Variants in ZNF385D observed in about 807,000 individuals in gnomAD.
ZNF385D encodes the protein zinc finger protein 385D.
In ZNF385D, 15 loss-of-function variants were observed where a neutral mutation model predicts 35.8. That is an observed-to-expected ratio of 0.42 (90% CI 0.28 to 0.64). The LOEUF is 0.64. Ranked by LOEUF, ZNF385D falls within the 30% of genes least tolerant of loss-of-function variation. The pLI is 0.23. For synonymous variants in ZNF385D, 212 were observed against 186.8 expected (o/e 1.13, Z -1.10); for missense variants, 474 against 494.6 (o/e 0.96, Z 0.39).
At chr3:21,854,388 C>T (rs1696590679) in intron 3 of ZNF385D, among the ~76,000 whole-genome samples, 1 of 151,870 alleles carries the variant, frequency 6.6e-6, no homozygotes, top group Non-Finnish European at 1.5e-5. Context: ...TTCAAAAAGC[C>T]CTTCCAAAAA....
chr3:22,063,345 G>C (rs1234046632), intron 3 of ZNF385D, among the ~76,000 whole-genome samples: 1 of 151,986 alleles, frequency 6.6e-6, no homozygotes, highest in Non-Finnish European at 1.5e-5. Context: ...ACATCATTTT[G>C]ATTAATCTTC....
intron 3 of ZNF385D, among the ~76,000 whole-genome samples, chr3:21,521,953 A>C (rs1707934883): frequency 6.6e-6 from 1 of 152,130 alleles, no homozygotes; most frequent in African/African-American, 2.4e-5. Context: ...CAGTAAGATA[A>C]ATTATGTCGA....
intron 2 of ZNF385D, among the ~76,000 whole-genome samples, chr3:22,289,655 C>A (rs1702197722): frequency 6.6e-6 from 1 of 152,112 alleles, no homozygotes; most frequent in Non-Finnish European, 1.5e-5. Flanking sequence ...TTATTTAAAA[C>A]CATCTCTTTA....
intron 3 of ZNF385D, among the ~76,000 whole-genome samples, chr3:21,552,324 A>G (rs9833976): frequency 0.18 from 27,036 of 152,116 alleles, 2,414 homozygotes; most frequent in African/African-American, 0.21. Flanking sequence ...TTTGGTGTCT[A>G]AATATTTTGT....
chr3:21,998,889 T>C lies in ZNF385D; in HGVS notation c.325+169928A>G, dbSNP rs947609568. Among the ~76,000 whole-genome samples, 18 of 151,882 alleles carry C rather than the reference T, an allele frequency of 1.2e-4. 1 individual carries two copies. Among genetic ancestry groups the C allele is most frequent in the African/African-American group, 3.9e-4 (16 of 41,320 alleles). On this transcript the variant is annotated intron_variant, in intron 3 of 5. Transcript: ENST00000494108. ...ATGCTCACATGCACATACTGAAGAG[T>C]TCTTGGATTAACTAGGAAAATTATA...
chr3:21,544,955 C>T lies in ZNF385D; in HGVS notation c.276+19619G>A, dbSNP rs924934551. Reference sequence around the variant, plus strand: ...CAAACAGGATTATTTGACGTGTTCACGTATACAGGATTGCCAAAATGATGT... The same window carrying T: ...CAAACAGGATTATTTGACGTGTTCATGTATACAGGATTGCCAAAATGATGT... On this transcript the variant is annotated intron_variant, in intron 3 of 7. Coordinates refer to ENST00000281523, the MANE Select transcript of ZNF385D (RefSeq NM_024697.3). 4.6e-5 allele frequency among the ~76,000 whole-genome samples: 7 copies of T among 152,202 alleles called. No homozygotes were observed. In the South Asian group the frequency reaches 6.2e-4, roughly 14 times the overall value.
chr3:21,445,646 C>G (rs1702108398), intron 4 of ZNF385D, among the ~76,000 whole-genome samples: 1 of 152,138 alleles, frequency 6.6e-6, no homozygotes, highest in Non-Finnish European at 1.5e-5. Flanking sequence ...ATATTCTCTA[C>G]TCATTTAGTA....
At chr3:21,949,298 T>C (rs1380500607) in intron 3 of ZNF385D, among the ~76,000 whole-genome samples, 3 of 152,146 alleles carry the variant, frequency 2.0e-5, no homozygotes, top group Non-Finnish European at 2.9e-5. Context: ...TTGTGAGTGT[T>C]TGTGTCTGTG....
At chr3:22,068,602 C>A (rs1272940587) in intron 3 of ZNF385D, among the ~76,000 whole-genome samples, 1 of 152,170 alleles carries the variant, frequency 6.6e-6, no homozygotes, top group African/African-American at 2.4e-5. Flanking sequence ...ATGATCCATC[C>A]ACACTCTGTC....
intron 3 of ZNF385D, among the ~76,000 whole-genome samples, chr3:22,099,162 G>T (rs939352503): frequency 2.0e-5 from 3 of 152,058 alleles, no homozygotes; most frequent in Admixed American, 6.6e-5. Flanking sequence ...TATGTCAGTT[G>T]ACATGGAAAA....
At chr3:21,736,554 G>A (rs1231061271) in intron 1 of ZNF385D, among the ~76,000 whole-genome samples, 3 of 152,204 alleles carry the variant, frequency 2.0e-5, no homozygotes, top group East Asian at 1.9e-4. Flanking sequence ...TTTTGAAGCA[G>A]AAGGGTAAAA....
chr3:22,329,426 G>T (rs1359957733), intron 2 of ZNF385D, among the ~76,000 whole-genome samples: 1 of 152,112 alleles, frequency 6.6e-6, no homozygotes, highest in Non-Finnish European at 1.5e-5. Flanking sequence ...GTGCAGACTA[G>T]AAGTTTTAAA....
At chr3:22,196,594 A>G (rs1050135324) in intron 2 of ZNF385D, among the ~76,000 whole-genome samples, 6 of 151,936 alleles carry the variant, frequency 3.9e-5, no homozygotes, top group African/African-American at 1.2e-4. Flanking sequence ...AGAGATTACA[A>G]TATCTTTCCT....
chr3:21,589,038 G>C (rs1244021980), intron 2 of ZNF385D, among the ~76,000 whole-genome samples: 3 of 152,054 alleles, frequency 2.0e-5, no homozygotes, highest in Non-Finnish European at 4.4e-5. Flanking sequence ...TGTTTTAGTG[G>C]GAGAGAGACA....
intron 1 of ZNF385D, among the ~76,000 whole-genome samples, chr3:21,734,399 A>T (rs146126111): frequency 6.6e-6 from 1 of 151,946 alleles, no homozygotes; most frequent in East Asian, 1.9e-4. Context: ...TTAGATGGTC[A>T]TCCTAAAGAA....
At chr3:21,922,859 G>A (rs1700540698) in intron 3 of ZNF385D, among the ~76,000 whole-genome samples, 1 of 151,944 alleles carries the variant, frequency 6.6e-6, no homozygotes, top group Non-Finnish European at 1.5e-5. Flanking sequence ...CTACAGAATG[G>A]GAGAAAATAT....
intron 3 of ZNF385D, among the ~76,000 whole-genome samples, chr3:22,019,438 T>C (rs867638457): frequency 6.6e-6 from 1 of 151,962 alleles, no homozygotes; most frequent in Non-Finnish European, 1.5e-5. Flanking sequence ...CCATCTCATA[T>C]AGTAATTGTT....
In ZNF385D at chr3:21,894,681, CAACCACAG is replaced by C. The variant is rs1366432110; in HGVS notation, c.326-229661_326-229654del. ...GGGCTCCCTCCAGTGGCTAAGTTAG[CAACCACAG>C]ATCTGAAATGTCTATTTTAAATGAC... On this transcript the variant is annotated intron_variant, in intron 3 of 5. Coordinates refer to the ZNF385D transcript ENST00000494108. 2.0e-5 allele frequency among the ~76,000 whole-genome samples: 3 copies of C among 152,248 alleles called. No individual in the cohort carries two copies. In the East Asian group the frequency reaches 5.8e-4, roughly 29 times the overall value.
chr3:22,208,774 T>G (rs929097709), intron 2 of ZNF385D, among the ~76,000 whole-genome samples: 2 of 151,842 alleles, frequency 1.3e-5, no homozygotes, highest in Non-Finnish European at 2.9e-5. Context: ...CTAAAATGTG[T>G]TATCAGCCAT....
Sources: allele counts gnomAD v4.1 joint callset (sites outside exome capture counted in the v4.1 genomes callset), GRCh38; gene constraint gnomAD v4.1.1; transcripts MANE v1.5; gene names NCBI Gene and HGNC (gene_info 2026-07-23, HGNC 2026-07-21).